PRKCE: variants seen among roughly 807,000 people sequenced by gnomAD.
PRKCE encodes the protein protein kinase C epsilon.
A neutral mutation model predicts 85.4 loss-of-function variants in PRKCE; 16 were observed. The ratio of observed to expected loss-of-function variants is 0.19; its 90% CI spans 0.13 to 0.28. The LOEUF is 0.28. PRKCE is among the 10% of genes least tolerant of loss of function. The probability of loss-of-function intolerance (pLI) is 1.00; values close to 1 mark genes in which losing one functional copy is unlikely to be tolerated. For synonymous variants in PRKCE, 388 were observed against 371.5 expected (o/e 1.04, Z -0.51); for missense variants, 573 against 975.2 (o/e 0.59, Z 5.49).
intron 6 of PRKCE, among the ~76,000 whole-genome samples, chr2:45,996,222 G>C (rs1704204004): frequency 6.6e-6 from 1 of 151,994 alleles, no homozygotes; most frequent in Admixed American, 6.6e-5. Flanking sequence ...CTTCAATCTG[G>C]CTATAATCAT....
At chr2:46,011,938 T>A (rs576462006) in intron 10 of PRKCE, among the ~76,000 whole-genome samples, 1 of 152,334 alleles carries the variant, frequency 6.6e-6, no homozygotes, top group South Asian at 2.1e-4. Flanking sequence ...CATATTTCTT[T>A]GTCTACGAAA....
At chr2:45,797,341 C>G (rs1025605674) in intron 1 of PRKCE, among the ~76,000 whole-genome samples, 1 of 152,174 alleles carries the variant, frequency 6.6e-6, no homozygotes, top group African/African-American at 2.4e-5. Context: ...CTTGTCCTTA[C>G]TAGGGTTTCT....
At chr2:46,049,975 G>A (rs1708754145) in intron 10 of PRKCE, among the ~76,000 whole-genome samples, 2 of 152,214 alleles carry the variant, frequency 1.3e-5, no homozygotes, top group South Asian at 4.1e-4. Context: ...CATGGCCAGT[G>A]TAGAAGGCTG....
Position 45,848,313 on chromosome 2 carries a change from T to TC in PRKCE, c.412+5250_412+5251insC, listed in dbSNP as rs1268215265. ...AATGACCAATAGTTAGCAATTCATT[T>TC]TTTTTTTCTTTTTTTGAGACGGAGT... On this transcript the variant is annotated intron_variant, in intron 2 of 14. Coordinates refer to ENST00000306156, the MANE Select transcript of PRKCE (RefSeq NM_005400.3). 1.1e-4 allele frequency among the ~76,000 whole-genome samples: 16 copies of TC among 151,964 alleles called. No individual in the cohort carries two copies. The East Asian group carries it at 2.9e-3, about 28-fold the overall frequency.
At chr2:45,692,430 G>T (rs558514896) in intron 1 of PRKCE, among the ~76,000 whole-genome samples, 1 of 152,038 alleles carries the variant, frequency 6.6e-6, no homozygotes, top group East Asian at 1.9e-4. Flanking sequence ...TCCTCTCCCT[G>T]TCTTCTCCTC....
intron 2 of PRKCE, among the ~76,000 whole-genome samples, chr2:45,963,086 G>T (rs574654820): frequency 2.0e-4 from 31 of 152,236 alleles, no homozygotes; most frequent in African/African-American, 6.0e-4. Flanking sequence ...CCTAAGGGAC[G>T]TCTATCTCCC....
intron 1 of PRKCE, among the ~76,000 whole-genome samples, chr2:45,736,093 T>C (rs1573124694): frequency 6.6e-6 from 1 of 152,126 alleles, no homozygotes; most frequent in Non-Finnish European, 1.5e-5. Flanking sequence ...CCAGAGTACC[T>C]GGGATTACAG....
intron 2 of PRKCE, among the ~76,000 whole-genome samples, chr2:45,926,113 G>C (rs1444179971): frequency 6.6e-6 from 1 of 152,206 alleles, no homozygotes; most frequent in African/African-American, 2.4e-5. Flanking sequence ...TCACAGACTT[G>C]TGAAGTATAA....
intron 1 of PRKCE, among the ~76,000 whole-genome samples, chr2:45,795,034 T>C (rs1008746848): frequency 6.6e-6 from 1 of 152,312 alleles, no homozygotes; most frequent in East Asian, 1.9e-4. Flanking sequence ...GCCCTGTCTG[T>C]TCGAGGTACA....
chr2:45,750,696 C>T (rs1376533650), intron 1 of PRKCE, among the ~76,000 whole-genome samples: 2 of 152,208 alleles, frequency 1.3e-5, no homozygotes, highest in African/African-American at 4.8e-5. Context: ...GGACTATAAT[C>T]ATACCTATAT....
At chr2:46,114,640 C>T (rs911235673) in intron 11 of PRKCE, among the ~76,000 whole-genome samples, 3 of 151,258 alleles carry the variant, frequency 2.0e-5, no homozygotes, top group Non-Finnish European at 4.4e-5. Flanking sequence ...AGGATGGTCT[C>T]GATCTCCTGA....
At chr2:45,723,671 C>A (rs763288405) in intron 1 of PRKCE, among the ~76,000 whole-genome samples, 1 of 152,150 alleles carries the variant, frequency 6.6e-6, no homozygotes, top group Admixed American at 6.5e-5. Flanking sequence ...GTGGCGCGAT[C>A]TCGGCTCACT....
intron 1 of PRKCE, among the ~76,000 whole-genome samples, chr2:45,711,835 G>A (rs1679667257): frequency 6.6e-6 from 1 of 152,174 alleles, no homozygotes; most frequent in African/African-American, 2.4e-5. Flanking sequence ...ATGTCGGTCA[G>A]GATGGTCTTG....
At chr2:45,945,293 G>A (rs1207943994) in intron 2 of PRKCE, among the ~76,000 whole-genome samples, 1 of 152,174 alleles carries the variant, frequency 6.6e-6, no homozygotes. Flanking sequence ...TCTGGTGAGG[G>A]CCTCAGGAAG....
chr2:45,994,593 T>TC (rs1704071275), intron 6 of PRKCE, among the ~76,000 whole-genome samples: 1 of 152,242 alleles, frequency 6.6e-6, no homozygotes, highest in Non-Finnish European at 1.5e-5. Context: ...CATTTAATGT[T>TC]CTGCTATGTC....
intron 5 of PRKCE, 96 bp downstream of exon 5, chr2:45,980,477 G>A (rs1702799676): frequency 8.7e-7 from 1 of 1,146,196 alleles, no homozygotes; most frequent in Non-Finnish European, 1.3e-6. Context: ...TTCTCTGCCT[G>A]AGACCCTGTC....
intron 2 of PRKCE, among the ~76,000 whole-genome samples, chr2:45,953,288 A>C (rs1371412919): frequency 6.6e-6 from 1 of 152,202 alleles, no homozygotes; most frequent in Non-Finnish European, 1.5e-5. Context: ...AGATGAGGCC[A>C]AGGCAAGAGA....
At chr2:46,146,781 G>T (rs892237733) in intron 12 of PRKCE, among the ~76,000 whole-genome samples, 1 of 152,174 alleles carries the variant, frequency 6.6e-6, no homozygotes, top group Non-Finnish European at 1.5e-5. Flanking sequence ...ATTCCAACAT[G>T]AGCAAAGGCC....
chr2:46,086,553 C>T (rs908069845), intron 11 of PRKCE, among the ~76,000 whole-genome samples, 191 bp downstream of exon 11: 1 of 152,168 alleles, frequency 6.6e-6, no homozygotes, highest in Non-Finnish European at 1.5e-5. Flanking sequence ...TTTGAATGGC[C>T]CTGGGAGATT....
Sources: gnomAD v4.1 joint callset for allele counts (sites outside exome capture counted in the v4.1 genomes callset) on GRCh38, gnomAD v4.1.1 for gene constraint, MANE v1.5 for transcripts, NCBI Gene and HGNC (gene_info 2026-07-23, HGNC 2026-07-21) for gene names.